The following RPRD1B variants were observed in gnomAD, a reference collection of about 807,000 sequenced individuals.
The protein encoded by RPRD1B is regulation of nuclear pre-mRNA domain-containing protein 1B.
RPRD1B carries 11 observed loss-of-function variants against 41.5 expected under a neutral mutation model. That is an observed-to-expected ratio of 0.27 (90% CI 0.17 to 0.44). RPRD1B has a LOEUF of 0.44. Among genes scored for constraint, RPRD1B ranks in the 20% least tolerant of loss-of-function variants. The pLI is 1.00. For synonymous variants in RPRD1B, 158 were observed against 155.6 expected (o/e 1.02, Z -0.12); for missense variants, 248 against 389.9 (o/e 0.64, Z 3.06).
chr20:38,039,567 G>A (rs1401188702), intron 1 of RPRD1B, among the ~76,000 whole-genome samples: 1 of 151,822 alleles, frequency 6.6e-6, no homozygotes, highest in Non-Finnish European at 1.5e-5. Context: ...ACCACGCCAG[G>A]CAAATTTTGT....
chr20:38,078,002 C>A (rs980667043), intron 6 of RPRD1B, among the ~76,000 whole-genome samples: 17 of 151,994 alleles, frequency 1.1e-4, no homozygotes, highest in Non-Finnish European at 1.8e-4. Context: ...ATGGCAAAAC[C>A]CCGTCTCTAT....
chr20:38,048,668 A>AT, intron 3 of RPRD1B, 187 bp downstream of exon 3: 1 of 860,912 alleles, frequency 1.2e-6, no homozygotes, highest in Non-Finnish European at 1.4e-6. Flanking sequence ...TCTAGTATTC[A>AT]TGCTATTCAT....
chr20:38,089,864 T>G lies in RPRD1B; in HGVS notation c.970T>G (p.Ser324Ala). 1.9e-6 allele frequency: 3 copies of G among 1,613,486 alleles called. No individual in the cohort carries two copies. Among genetic ancestry groups the G allele is most frequent in the Non-Finnish European group, 2.5e-6 (3 of 1,179,762 alleles). ...APLPSAGDLFSTD is the reference protein window; with the variant it reads ...APLPSAGDLFATD ...CCTGCCCTCTGCTGGGGACCTGTTTTCAACTGACTAGGATGGGTGTCATGT... is the reference window on the plus strand; with the variant it reads ...CCTGCCCTCTGCTGGGGACCTGTTTGCAACTGACTAGGATGGGTGTCATGT... The change falls in exon 7 of 7, where the codon TCA becomes GCA. Residue 324 changes from serine to alanine, a missense_variant. Physicochemically the swap from Ser to Ala is moderately conservative, Grantham distance 99. This residue lies in a region of RPRD1B where 93 missense variants were observed against 167.2 expected (regional missense o/e 0.56). Transcript: ENST00000373433.
At chr20:38,047,622 T>C (rs1206849583) in intron 2 of RPRD1B, among the ~76,000 whole-genome samples, 1 of 152,152 alleles carries the variant, frequency 6.6e-6, no homozygotes, top group Non-Finnish European at 1.5e-5. Context: ...TCTGAGATTT[T>C]ATTGTAGGCA....
intron 6 of RPRD1B, among the ~76,000 whole-genome samples, chr20:38,069,064 G>A (rs940928781): frequency 6.6e-6 from 1 of 152,114 alleles, no homozygotes; most frequent in Non-Finnish European, 1.5e-5. Flanking sequence ...ATTTGCTTGC[G>A]AGTCTGTTTT....
chr20:38,082,917 C>T (rs993583142), intron 6 of RPRD1B, among the ~76,000 whole-genome samples: 8 of 152,146 alleles, frequency 5.3e-5, no homozygotes, highest in Non-Finnish European at 8.8e-5. Flanking sequence ...CTACAATAAA[C>T]ATTGCTTAAA....
Position 38,091,611 on chromosome 20 carries a change from G to A in RPRD1B, c.*1736G>A. Reference sequence around the variant, plus strand: ...TGCAAGATAAATTGTAATCTTTGCTGCTGCTGCACTCCCCAACCTCTCCCC... The same window carrying A: ...TGCAAGATAAATTGTAATCTTTGCTACTGCTGCACTCCCCAACCTCTCCCC... On this transcript the variant is annotated 3_prime_UTR_variant, in exon 7 of 7. Transcript: ENST00000373433. The A allele has an allele frequency of 1.0e-6, 1 of 985,562 alleles. No homozygotes were observed. Among genetic ancestry groups the A allele is most frequent in the Non-Finnish European group, 1.2e-6 (1 of 830,088 alleles). The allele number at this position is 985,562 out of a possible 1,614,324, so 61.1% of individuals were successfully genotyped here. A position where few individuals can be genotyped will look rare whatever the true frequency, so the allele number is the denominator to read the frequency against.
chr20:38,091,216 CTA>C lies in RPRD1B; in HGVS notation c.*1346_*1347del, dbSNP rs1277941786. On this transcript the variant is annotated 3_prime_UTR_variant, in exon 7 of 7. Transcript: ENST00000373433. ...TATAGACCAGAGGCTGAAACCCAAA[CTA>C]TATAAAAAGGAATTCAGTGGAGGGG... 1.2e-5 allele frequency: 12 copies of C among 985,682 alleles called. No individual in the cohort carries two copies. The highest frequency in any genetic ancestry group is 1.3e-5 in the Non-Finnish European group (11 of 829,930). The allele number at this position is 985,682 out of a possible 1,614,324, so 61.1% of individuals were successfully genotyped here.
At chr20:38,038,476 A>ATT (rs1287729946) in intron 1 of RPRD1B, among the ~76,000 whole-genome samples, 2 of 85,776 alleles carry the variant, frequency 2.3e-5, no homozygotes, top group African/African-American at 1.0e-4. Flanking sequence ...CGCCCGGCTG[A>ATT]TTTTTTTTGT....
At chr20:38,049,669 AT>A (rs1015340565) in intron 3 of RPRD1B, 2 of 468,894 alleles carry the variant, frequency 4.3e-6, no homozygotes, top group African/African-American at 2.0e-5. Context: ...CACCTGGCCT[AT>A]TTTTTTCTTT....
chr20:38,041,014 A>C (rs1042963984), intron 2 of RPRD1B, among the ~76,000 whole-genome samples: 11 of 152,240 alleles, frequency 7.2e-5, no homozygotes, highest in African/African-American at 2.4e-4. Context: ...GCATTACTGT[A>C]ACTGCAATAA....
At chr20:38,062,918 T>C (rs2074314475) in intron 5 of RPRD1B, among the ~76,000 whole-genome samples, 1 of 138,218 alleles carries the variant, frequency 7.2e-6, no homozygotes, top group Admixed American at 7.8e-5. Flanking sequence ...CATTGTAACC[T>C]CAAACTCCTG....
chr20:38,078,836 C>T (rs539772428), intron 6 of RPRD1B, among the ~76,000 whole-genome samples: 1 of 152,132 alleles, frequency 6.6e-6, no homozygotes, highest in South Asian at 2.1e-4. Flanking sequence ...TATAGGTAGA[C>T]CTTTAAGGAA....
chr20:38,037,566 G>T (rs11906055), intron 1 of RPRD1B, among the ~76,000 whole-genome samples: 289 of 152,338 alleles, frequency 1.9e-3, no homozygotes, highest in African/African-American at 6.4e-3. Flanking sequence ...GGATGGAGGG[G>T]TGTGCATGTT....
chr20:38,072,118 T>C (rs1295474646), intron 6 of RPRD1B, among the ~76,000 whole-genome samples: 1 of 152,204 alleles, frequency 6.6e-6, no homozygotes, highest in East Asian at 1.9e-4. Flanking sequence ...TTTTTTTCTG[T>C]GTTTTCTTCT....
At chr20:38,043,521 A>C (rs868283936) in intron 2 of RPRD1B, among the ~76,000 whole-genome samples, 1 of 151,916 alleles carries the variant, frequency 6.6e-6, no homozygotes, top group Non-Finnish European at 1.5e-5. Context: ...AAAATGGCTT[A>C]GTGTAGAGGG....
intron 2 of RPRD1B, among the ~76,000 whole-genome samples, chr20:38,042,182 G>A (rs1488454367): frequency 6.6e-6 from 1 of 152,082 alleles, no homozygotes; most frequent in East Asian, 1.9e-4. Context: ...GAGACCCTGT[G>A]TCTACAAAAA....
At chr20:38,038,307 AT>A (rs557260550) in intron 1 of RPRD1B, among the ~76,000 whole-genome samples, 31,593 of 134,626 alleles carry the variant, frequency 0.23, 3,714 homozygotes, top group African/African-American at 0.43. Flanking sequence ...CTGTAGCTAC[AT>A]TTTTTTTTTT....
intron 1 of RPRD1B, among the ~76,000 whole-genome samples, chr20:38,036,926 CAG>C (rs1309310069): frequency 6.6e-6 from 1 of 152,126 alleles, no homozygotes; most frequent in Admixed American, 6.5e-5. Context: ...CTGGACAGTG[CAG>C]AGTTAAAAAA....
Sources: gnomAD v4.1 joint callset for allele counts (sites outside exome capture counted in the v4.1 genomes callset) on GRCh38, gnomAD v4.1.1 for gene constraint, gnomAD v4.1.1 regional missense constraint, MANE v1.5 for transcripts, NCBI Gene and HGNC (gene_info 2026-07-23, HGNC 2026-07-21) for gene names.